CGA: variants seen among roughly 807,000 people sequenced by gnomAD.
The protein encoded by CGA is glycoprotein hormones alpha chain.
CGA carries 4 observed loss-of-function variants against 12.0 expected under a neutral mutation model. The observed-to-expected ratio is 0.33, with a 90% CI of 0.16 to 0.76. The LOEUF (loss-of-function observed/expected upper bound fraction) is 0.76, where lower values mean the gene tolerates loss of function less well. CGA is among the 30% of genes least tolerant of loss of function. CGA has a pLI of 0.60. For missense variants in CGA, 102 were observed against 143.5 expected, an observed-to-expected ratio of 0.71 and a Z score of 1.48; for synonymous variants, 60 against 56.6, an observed-to-expected ratio of 1.06 and a Z score of -0.27.
chr6:87,086,571 GTT>G (rs1229111768), intron 2 of CGA, 137 bp from the exon 3 acceptor site: 1 of 722,160 alleles, frequency 1.4e-6, no homozygotes, highest in African/African-American at 1.8e-5. Flanking sequence ...GAGCTCAGGA[GTT>G]TGAGAGCAGC....
intron 3 of CGA, 123 bp downstream of exon 3, chr6:87,086,127 G>C (rs1163422306): frequency 8.2e-6 from 7 of 857,838 alleles, no homozygotes; most frequent in Non-Finnish European, 1.3e-5. Flanking sequence ...TTCCCCACCT[G>C]TACAAATGCT....
At chr6:87,092,309 C>T (rs1157832328) in intron 1 of CGA, among the ~76,000 whole-genome samples, 2 of 152,150 alleles carry the variant, frequency 1.3e-5, no homozygotes, top group African/African-American at 4.8e-5. Context: ...TCTACATAGG[C>T]CCTTGACTGC....
rs1437304771 is a variant in CGA, at chr6:87,095,017, C to T, written c.-12G>A. 2 of 152,230 alleles carry T rather than the reference C, an allele frequency of 1.3e-5. No individual in the cohort carries two copies. The highest frequency in any genetic ancestry group is 2.9e-5 in the Non-Finnish European group (2 of 68,040). 9.4% of individuals were successfully genotyped at this position (152,230 alleles called of 1,614,324 possible). A position where few individuals can be genotyped will look rare whatever the true frequency, so the allele number is the denominator to read the frequency against. On this transcript the variant is annotated 5_prime_UTR_variant, in exon 1 of 4. Coordinates refer to ENST00000627148, the MANE Select transcript of CGA (RefSeq NM_000735.4). ...AAATTATTTCATTCATATTACCTTT[C>T]TCTGGGCTTTTTGCAGGATGTGTTC...
At chr6:87,085,876 A>T in intron 3 of CGA, 43 bp from the exon 4 acceptor site, 1 of 1,235,168 alleles carries the variant, frequency 8.1e-7, no homozygotes, top group Middle Eastern at 1.9e-4. Flanking sequence ...ATTAGATGAT[A>T]GATAGATAGA....
At chr6:87,087,981 C>T in intron 2 of CGA, 132 bp downstream of exon 2, 1 of 457,786 alleles carries the variant, frequency 2.2e-6, no homozygotes, top group Admixed American at 4.0e-5. Context: ...CTACAAGTGC[C>T]TAGATATGAA....
chr6:87,089,812 C>T (rs1769399066), intron 1 of CGA, among the ~76,000 whole-genome samples: 1 of 152,118 alleles, frequency 6.6e-6, no homozygotes, highest in Admixed American at 6.5e-5. Flanking sequence ...AACATGATTA[C>T]ACAAGTGGAA....
At chr6:87,086,698 A>C in intron 2 of CGA, 2 of 351,204 alleles carry the variant, frequency 5.7e-6, no homozygotes, top group Non-Finnish European at 1.0e-5. Flanking sequence ...GGGCAGAAGA[A>C]TCGCTTGAAG....
chr6:87,086,306 C>T lies in CGA; in HGVS notation c.217G>A (p.Val73Ile), dbSNP rs1325135076. The T allele has an allele frequency of 6.2e-7, 1 of 1,614,042 alleles. No homozygotes were observed. The highest frequency in any genetic ancestry group is 8.5e-7 in the Non-Finnish European group (1 of 1,180,010). The change falls in exon 3 of 4, where the codon GTC becomes ATC. Residue 73 changes from valine (V) to isoleucine (I), a missense_variant. By Grantham distance (29) the Val-to-Ile change is conservative. Transcript: ENST00000627148. ...GACTCTGAGGTGACGTTCTTTTGGACCAACATCGTCTTCTTGGACCTTAGT... is the reference window on the plus strand; with the variant it reads ...GACTCTGAGGTGACGTTCTTTTGGATCAACATCGTCTTCTTGGACCTTAGT... The part of the protein sequence containing the change: ...TPLRSKKTML[V>I]QKNVTSESTC...
intron 2 of CGA, chr6:87,087,691 C>T (rs374801476): frequency 6.6e-6 from 1 of 152,584 alleles, no homozygotes; most frequent in Non-Finnish European, 1.5e-5. Context: ...TCAGACAATA[C>T]AGCAAAACAA....
intron 2 of CGA, chr6:87,086,653 GT>G: frequency 2.0e-6 from 1 of 504,840 alleles, no homozygotes; most frequent in Non-Finnish European, 3.5e-6. Flanking sequence ...AGACGTGATG[GT>G]GCACACCTGT....
intron 1 of CGA, among the ~76,000 whole-genome samples, chr6:87,092,706 C>A (rs541968183): frequency 6.8e-6 from 1 of 147,476 alleles, no homozygotes; most frequent in South Asian, 2.1e-4. Context: ...TGGGGAACAA[C>A]AGGGGAACAG....
intron 1 of CGA, among the ~76,000 whole-genome samples, 179 bp from the exon 2 acceptor site, chr6:87,088,386 G>A (rs952658985): frequency 3.3e-5 from 5 of 151,822 alleles, no homozygotes; most frequent in Non-Finnish European, 5.9e-5. Context: ...TTTAAAAAAA[G>A]TTCTCCTTAG....
At chr6:87,089,738 G>A (rs1487571033) in intron 1 of CGA, among the ~76,000 whole-genome samples, 1 of 152,124 alleles carries the variant, frequency 6.6e-6, no homozygotes. Flanking sequence ...AACACATGTT[G>A]AGTATATCTA....
At chr6:87,088,298 T>A (rs1011360021) in intron 1 of CGA, 91 bp from the exon 2 acceptor site, 10 of 658,382 alleles carry the variant, frequency 1.5e-5, no homozygotes, top group Non-Finnish European at 2.6e-5. Context: ...AGTTTCAACA[T>A]TACTATTAAT....
chr6:87,087,324 A>G (rs1018046040), intron 2 of CGA, among the ~76,000 whole-genome samples: 2 of 152,236 alleles, frequency 1.3e-5, no homozygotes, highest in Non-Finnish European at 2.9e-5. Context: ...TCTCAGTTGT[A>G]GTCTCTCTTC....
chr6:87,092,084 A>T (rs1562095573), intron 1 of CGA, among the ~76,000 whole-genome samples: 1 of 149,622 alleles, frequency 6.7e-6, no homozygotes, highest in Non-Finnish European at 1.5e-5. Context: ...CTTTAAAAGG[A>T]TTTTTTTTTT....
At chr6:87,089,725 T>C (rs1769396454) in intron 1 of CGA, among the ~76,000 whole-genome samples, 1 of 152,208 alleles carries the variant, frequency 6.6e-6, no homozygotes, top group African/African-American at 2.4e-5. Flanking sequence ...GAACTAAGTT[T>C]ATAACACATG....
intron 1 of CGA, among the ~76,000 whole-genome samples, chr6:87,090,637 A>ATTTTTTTTTTTTTTTTTTTTTTTTTTT (rs147883019): frequency 3.2e-5 from 4 of 124,834 alleles, no homozygotes; most frequent in Non-Finnish European, 6.7e-5. Flanking sequence ...CTCTTCAATA[A>ATTTTTTTTTTTTTTTTTTTTTTTTTTT]TTTTTTTTTT....
intron 1 of CGA, among the ~76,000 whole-genome samples, chr6:87,094,509 A>G (rs1373932403): frequency 6.6e-6 from 1 of 152,240 alleles, no homozygotes; most frequent in Non-Finnish European, 1.5e-5. Flanking sequence ...ACGACATTCA[A>G]GAAATTCCAT....
Sources: allele counts gnomAD v4.1 joint callset (sites outside exome capture counted in the v4.1 genomes callset), GRCh38; gene constraint gnomAD v4.1.1; transcripts MANE v1.5; gene names NCBI Gene and HGNC (gene_info 2026-07-23, HGNC 2026-07-21).